Variants in DPF3 observed in about 807,000 individuals in gnomAD.
The protein encoded by DPF3 is zinc finger protein DPF3.
Under a neutral mutation model 56.8 loss-of-function variants are expected in DPF3, and 18 were observed. The observed-to-expected ratio is 0.32, with a 90% confidence interval of 0.22 to 0.47. The LOEUF is 0.47. Ranked by LOEUF, DPF3 falls within the 20% of genes least tolerant of loss-of-function variation. DPF3 has a pLI of 1.00. For missense variants in DPF3, 403 were observed against 488.8 expected (o/e 0.82, Z 1.65); for synonymous variants, 188 against 180.2 (o/e 1.04, Z -0.35).
chr14:72,730,760 TTTAATA>T (rs1889607310), intron 4 of DPF3, among the ~76,000 whole-genome samples: 1 of 152,050 alleles, frequency 6.6e-6, no homozygotes, highest in Non-Finnish European at 1.5e-5. Context: ...ATTTTAATAA[TTTAATA>T]TTAACTACCA....
intron 1 of DPF3, among the ~76,000 whole-genome samples, chr14:72,860,400 T>C (rs1199898332): frequency 6.6e-6 from 1 of 152,098 alleles, no homozygotes; most frequent in Admixed American, 6.6e-5. Context: ...GCCGAGGCTA[T>C]GCTTGAACTC....
chr14:72,704,558 A>C (rs1171525220), intron 6 of DPF3, among the ~76,000 whole-genome samples: 1 of 152,104 alleles, frequency 6.6e-6, no homozygotes, highest in Admixed American at 6.5e-5. Context: ...TTCCACCTAC[A>C]ATGTCAGTGT....
In DPF3 at chr14:72,614,775, C is replaced by CCGAAAAAAAAAA. The variant is rs1883978930; in HGVS notation, c.*4521_*4522insTTTTTTTTTTCG. On this transcript the variant is annotated 3_prime_UTR_variant, in exon 11 of 11. Coordinates refer to ENST00000556509, the MANE Select transcript of DPF3 (RefSeq NM_001280542.3). The stretch of plus-strand genomic sequence containing the variant: ...ATCTGTTGCCCAGGATCACAAGCCT[C>CCGAAAAAAAAAA]AGAAAAAAAAAAAAGAGTTACAATC... 3.9e-5 allele frequency among the ~76,000 whole-genome samples: 1 copy of CCGAAAAAAAAAA among 25,762 alleles called. No individual in the cohort carries two copies. Among genetic ancestry groups the CCGAAAAAAAAAA allele is most frequent in the Non-Finnish European group, 6.5e-5 (1 of 15,466 alleles). The allele number at this position is 25,762 out of a possible 152,430, so 16.9% of individuals were successfully genotyped here.
intron 3 of DPF3, among the ~76,000 whole-genome samples, chr14:72,747,683 TC>T (rs1890383712): frequency 6.6e-6 from 1 of 151,456 alleles, no homozygotes; most frequent in Non-Finnish European, 1.5e-5. Flanking sequence ...CCCATCCAAA[TC>T]TCATCTTGTA....
chr14:72,846,481 G>A (rs952126377), intron 1 of DPF3, among the ~76,000 whole-genome samples: 5 of 151,884 alleles, frequency 3.3e-5, no homozygotes, highest in Admixed American at 6.6e-5. Flanking sequence ...GACTACAGGC[G>A]CCCGCCACCA....
intron 4 of DPF3, among the ~76,000 whole-genome samples, chr14:72,724,718 T>C (rs1012348662): frequency 1.1e-4 from 17 of 149,744 alleles, no homozygotes; most frequent in Admixed American, 6.6e-5. Context: ...TTTGTTTTTT[T>C]TTTTTTCTGA....
chr14:72,753,405 C>T, intron 2 of DPF3, 34 bp from the exon 3 acceptor site: 1 of 1,556,396 alleles, frequency 6.4e-7, no homozygotes, highest in South Asian at 1.2e-5. Context: ...ATTAAAGGCT[C>T]CAGGCTGGAA....
chr14:72,759,480 G>A (rs1190674156), intron 2 of DPF3, among the ~76,000 whole-genome samples: 2 of 150,598 alleles, frequency 1.3e-5, no homozygotes, highest in African/African-American at 4.9e-5. Flanking sequence ...AGCAGCCTGG[G>A]CAACATAGTA....
At chr14:72,866,558 G>T (rs764121344) in intron 1 of DPF3, among the ~76,000 whole-genome samples, 1 of 150,440 alleles carries the variant, frequency 6.6e-6, no homozygotes. Context: ...TTTTCTCATC[G>T]ATAAAAAAGT....
In DPF3 at chr14:72,612,733, G is replaced by A. The variant is rs1251591045; in HGVS notation, c.*6564C>T. The stretch of plus-strand genomic sequence containing the variant: ...CTTTGATAGCAGAATTGAGACTTTT[G>A]AAGTACCCAACTATTGCCAAATATC... On this transcript the variant is annotated 3_prime_UTR_variant, in exon 11 of 11. Transcript: ENST00000556509. 1.2e-5 allele frequency: 5 copies of A among 415,530 alleles called. No individual in the cohort carries two copies. Among genetic ancestry groups the A allele is most frequent in the Admixed American group, 2.8e-5 (1 of 35,664 alleles). 25.7% of individuals were successfully genotyped at this position (415,530 alleles called of 1,614,324 possible). A position where few individuals can be genotyped will look rare whatever the true frequency, so the allele number is the denominator to read the frequency against.
intron 1 of DPF3, among the ~76,000 whole-genome samples, chr14:72,865,919 C>T (rs1288569442): frequency 1.3e-5 from 2 of 152,072 alleles, no homozygotes; most frequent in Non-Finnish European, 2.9e-5. Context: ...TGGTGATGTG[C>T]ACCTGTAATC....
chr14:72,856,831 G>A (rs942665774), intron 1 of DPF3, among the ~76,000 whole-genome samples: 5 of 152,190 alleles, frequency 3.3e-5, no homozygotes, highest in South Asian at 2.1e-4. Context: ...AGAGTCCAGC[G>A]CGGCCCCTGT....
intron 7 of DPF3, among the ~76,000 whole-genome samples, chr14:72,682,286 C>T (rs1350241574): frequency 2.0e-5 from 3 of 150,522 alleles, no homozygotes; most frequent in South Asian, 2.1e-4. Context: ...TATCTCATTA[C>T]GTGACACGTA....
In DPF3 at chr14:72,613,020, G is replaced by A. The variant is rs977401275; in HGVS notation, c.*6277C>T. On this transcript the variant is annotated 3_prime_UTR_variant, in exon 11 of 11. Coordinates refer to ENST00000556509, the MANE Select transcript of DPF3 (RefSeq NM_001280542.3). ...TGTGTGTGTGTGTGTGTGTGTGTGT[G>A]TGTGTGTGTGTATGTGCGTGCGTGC... 1.8e-4 allele frequency among the ~76,000 whole-genome samples: 27 copies of A among 151,996 alleles called. No individual in the cohort carries two copies. The highest frequency in any genetic ancestry group is 3.7e-4 in the Non-Finnish European group (25 of 67,982).
At chr14:72,698,947 A>G (rs1888030926) in intron 6 of DPF3, among the ~76,000 whole-genome samples, 1 of 152,202 alleles carries the variant, frequency 6.6e-6, no homozygotes, top group Non-Finnish European at 1.5e-5. Context: ...TACGGAAAGC[A>G]AAGAGATGCA....
intron 1 of DPF3, among the ~76,000 whole-genome samples, chr14:72,800,759 T>A (rs931043326): frequency 6.6e-6 from 1 of 151,588 alleles, no homozygotes; most frequent in African/African-American, 2.4e-5. Flanking sequence ...GATGGGTGCA[T>A]GGGTGGATGC....
intron 7 of DPF3, among the ~76,000 whole-genome samples, chr14:72,690,148 C>A (rs1887611399): frequency 6.6e-6 from 1 of 152,138 alleles, no homozygotes; most frequent in Non-Finnish European, 1.5e-5. Context: ...AACAAGCCAC[C>A]CATGAAATTT....
intron 1 of DPF3, among the ~76,000 whole-genome samples, chr14:72,772,887 G>A (rs1015868096): frequency 1.3e-5 from 2 of 152,118 alleles, no homozygotes; most frequent in Admixed American, 6.5e-5. Context: ...TGGGGTCGGG[G>A]GGCAGTGGAC....
intron 8 of DPF3, among the ~76,000 whole-genome samples, chr14:72,652,971 G>A (rs780364104): frequency 3.3e-5 from 5 of 152,128 alleles, no homozygotes; most frequent in Admixed American, 2.0e-4. Flanking sequence ...GGAGGAGGAT[G>A]GATATTCTTC....
Sources: gnomAD v4.1 joint callset for allele counts (sites outside exome capture counted in the v4.1 genomes callset) on GRCh38, gnomAD v4.1.1 for gene constraint, MANE v1.5 for transcripts, NCBI Gene and HGNC (gene_info 2026-07-23, HGNC 2026-07-21) for gene names.